POLR3G: variants seen among roughly 807,000 people sequenced by gnomAD.
POLR3G encodes DNA-directed RNA polymerase III subunit RPC7.
POLR3G carries 28 observed loss-of-function variants against 30.1 expected under a neutral mutation model. The observed-to-expected ratio is 0.93, with a 90% CI of 0.69 to 1.27. POLR3G has a LOEUF of 1.27. Ranked by LOEUF, POLR3G falls within the 50% of genes most tolerant of loss-of-function variation. The pLI is 0.00. For synonymous variants in POLR3G, 79 were observed against 82.5 expected (o/e 0.96, Z 0.23); for missense variants, 254 against 264.6 (o/e 0.96, Z 0.28).
At chr5:90,476,935 C>G (rs974839785) in intron 1 of POLR3G, among the ~76,000 whole-genome samples, 5 of 152,124 alleles carry the variant, frequency 3.3e-5, no homozygotes, top group African/African-American at 9.7e-5. Context: ...TTGTCAGTTT[C>G]TTACCCTAGA....
At position 90,485,524 on chromosome 5, in the gene POLR3G, G is replaced by A. The variant is rs750654754; in HGVS notation, c.-43-1G>A. 6.8e-6 allele frequency: 9 copies of A among 1,317,816 alleles called. No homozygotes were observed. In the African/African-American group the frequency reaches 7.3e-5, roughly 11 times the overall value. 81.6% of individuals were successfully genotyped at this position (1,317,816 alleles called of 1,614,324 possible). On this transcript the variant is annotated splice_acceptor_variant, in intron 1 of 7. Coordinates refer to ENST00000651687, the MANE Select transcript of POLR3G (RefSeq NM_006467.3). LOFTEE classifies it low-confidence loss of function (5UTR_SPLICE). ...ATCCAGTAAATCGTAATCATTAATAGTGCCTTTCAGAATTTGCCCACTCAT... is the reference window on the plus strand; with the variant it reads ...ATCCAGTAAATCGTAATCATTAATAATGCCTTTCAGAATTTGCCCACTCAT...
At chr5:90,494,699 C>G (rs1421691749) in intron 3 of POLR3G, among the ~76,000 whole-genome samples, 1 of 151,990 alleles carries the variant, frequency 6.6e-6, no homozygotes, top group African/African-American at 2.4e-5. Context: ...AGAGAATTGT[C>G]TATTCAAATC....
upstream of POLR3G, chr5:90,474,064 G>C (rs529955899): frequency 2.5e-6 from 4 of 1,580,452 alleles, no homozygotes; most frequent in Non-Finnish European, 3.4e-6. Flanking sequence ...ACGGCAAGCA[G>C]TGGCCGGCGC....
At chr5:90,479,056 G>T (rs542621048) in intron 1 of POLR3G, among the ~76,000 whole-genome samples, 1 of 152,224 alleles carries the variant, frequency 6.6e-6, no homozygotes, top group African/African-American at 2.4e-5. Flanking sequence ...CCTTCTGTGG[G>T]TAGATTTGCT....
intron 1 of POLR3G, among the ~76,000 whole-genome samples, chr5:90,477,245 C>T (rs1432836327): frequency 6.6e-6 from 1 of 152,104 alleles, no homozygotes; most frequent in African/African-American, 2.4e-5. Flanking sequence ...GTGGATGTGG[C>T]AGGAAGGGCA....
At chr5:90,511,512 T>A (rs1752738903) in intron 7 of POLR3G, among the ~76,000 whole-genome samples, 1 of 152,148 alleles carries the variant, frequency 6.6e-6, no homozygotes, top group South Asian at 2.1e-4. Flanking sequence ...TTTTCTGAGT[T>A]ATTTGCATGG....
chr5:90,500,641 T>C (rs1171886117), intron 5 of POLR3G, among the ~76,000 whole-genome samples: 1 of 152,154 alleles, frequency 6.6e-6, no homozygotes, highest in East Asian at 1.9e-4. Flanking sequence ...ATCTAACTAT[T>C]ACTTTTGTTT....
chr5:90,510,589 C>T (rs1318485072), intron 7 of POLR3G, among the ~76,000 whole-genome samples: 1 of 152,076 alleles, frequency 6.6e-6, no homozygotes, highest in Non-Finnish European at 1.5e-5. Context: ...GTCTCCTTTA[C>T]AATGAGACCT....
chr5:90,485,530 T>A lies in POLR3G; in HGVS notation c.-38T>A. The A allele has an allele frequency of 7.1e-7, 1 of 1,416,290 alleles. No homozygotes were observed. Among genetic ancestry groups the A allele is most frequent in the Admixed American group, 1.9e-5 (1 of 53,496 alleles). The allele number at this position is 1,416,290 out of a possible 1,614,324, so 87.7% of individuals were successfully genotyped here. A position where few individuals can be genotyped will look rare whatever the true frequency, so the allele number is the denominator to read the frequency against. On this transcript the variant is annotated 5_prime_UTR_variant, in exon 2 of 8. Transcript: ENST00000651687. ...TAAATCGTAATCATTAATAGTGCCT[T>A]TCAGAATTTGCCCACTCATCTGGTA...
chr5:90,476,530 T>C (rs962409878), intron 1 of POLR3G, among the ~76,000 whole-genome samples: 1 of 152,170 alleles, frequency 6.6e-6, no homozygotes, highest in South Asian at 2.1e-4. Context: ...CAGAGTAATA[T>C]AGGGCCCTCA....
intron 7 of POLR3G, 131 bp from the exon 8 acceptor site, chr5:90,511,922 G>A (rs1048048547): frequency 1.6e-5 from 10 of 627,094 alleles, no homozygotes; most frequent in Admixed American, 2.8e-5. Context: ...GGAAGAAAGC[G>A]GCACAGGTAA....
chr5:90,485,218 G>T (rs1297772215), intron 1 of POLR3G, among the ~76,000 whole-genome samples: 1 of 152,132 alleles, frequency 6.6e-6, no homozygotes, highest in African/African-American at 2.4e-5. Flanking sequence ...CTTGTCTTGT[G>T]TCCACTTTTT....
At chr5:90,481,250 C>T (rs190876492) in intron 1 of POLR3G, among the ~76,000 whole-genome samples, 1 of 150,470 alleles carries the variant, frequency 6.6e-6, no homozygotes, top group African/African-American at 2.5e-5. Flanking sequence ...CCAGCCTGAT[C>T]AATACCAAGA....
chr5:90,474,272 G>A (rs143611733), upstream of POLR3G: 8 of 1,613,214 alleles, frequency 5.0e-6, no homozygotes, highest in African/African-American at 5.3e-5. Flanking sequence ...ACTTGTGGGC[G>A]TACCACTCGA....
In POLR3G at chr5:90,502,359, A is replaced by G. The variant is rs969439022; in HGVS notation, c.438+371A>G. 7 of 921,546 alleles carry G rather than the reference A, an allele frequency of 7.6e-6. No individual in the cohort carries two copies. In the East Asian group the frequency reaches 3.5e-4, roughly 47 times the overall value. 57.1% of individuals were successfully genotyped at this position (921,546 alleles called of 1,614,324 possible). On this transcript the variant is annotated intron_variant, in intron 6 of 7. Transcript: ENST00000651687. Reference sequence around the variant, plus strand: ...CTCTCATTTTTCCTCCTGTTGGTTAATATGTACAGTTTTAATGCTTTTTTT... The same window carrying G: ...CTCTCATTTTTCCTCCTGTTGGTTAGTATGTACAGTTTTAATGCTTTTTTT...
At chr5:90,488,177 A>G in intron 3 of POLR3G, 48 bp downstream of exon 3, 2 of 1,427,270 alleles carry the variant, frequency 1.4e-6, no homozygotes, top group South Asian at 1.8e-5. Context: ...ATACAGATGA[A>G]ACAGTGTTTA....
At chr5:90,479,897 C>G (rs1751038757) in intron 1 of POLR3G, among the ~76,000 whole-genome samples, 1 of 152,072 alleles carries the variant, frequency 6.6e-6, no homozygotes, top group South Asian at 2.1e-4. Context: ...AGAATCAAAA[C>G]TGTGCTTTAG....
rs1308627095 is a variant in POLR3G at position 90,514,384 on chromosome 5, TACAAA to T, written c.*2252_*2256del. Reference sequence around the variant, plus strand: ...TGTATTTATTTACACATTAAATTCTTACAAAACAAAATGTGTTCGTTTGTTTTATA... The same window carrying T: ...TGTATTTATTTACACATTAAATTCTTACAAAATGTGTTCGTTTGTTTTATA... On this transcript the variant is annotated 3_prime_UTR_variant, in exon 8 of 8. Coordinates refer to ENST00000651687, the MANE Select transcript of POLR3G (RefSeq NM_006467.3). 3 of 152,390 alleles carry T rather than the reference TACAAA, an allele frequency of 2.0e-5. No homozygotes were observed. The highest frequency in any genetic ancestry group is 3.9e-4 in the East Asian group (2 of 5,192). The allele number at this position is 152,390 out of a possible 1,614,324, so 9.4% of individuals were successfully genotyped here.
rs766473299 is a variant in POLR3G at position 90,485,698 on chromosome 5, C to G, written c.117+14C>G. The G allele has an allele frequency of 2.6e-6, 4 of 1,548,238 alleles. No individual in the cohort carries two copies. In the East Asian group the frequency reaches 9.0e-5, roughly 35 times the overall value. On this transcript the variant is annotated intron_variant, in intron 2 of 7. Coordinates refer to ENST00000651687, the MANE Select transcript of POLR3G (RefSeq NM_006467.3). Reference sequence around the variant, plus strand: ...CCACTATTTCCTGTAAGTATATGAACAGTTGAATTCTCATAGTGTGTTTTT... The same window carrying G: ...CCACTATTTCCTGTAAGTATATGAAGAGTTGAATTCTCATAGTGTGTTTTT...
Sources: allele counts gnomAD v4.1 joint callset (sites outside exome capture counted in the v4.1 genomes callset), GRCh38; gene constraint gnomAD v4.1.1; transcripts MANE v1.5; gene names NCBI Gene and HGNC (gene_info 2026-07-23, HGNC 2026-07-21).